Variants in VPS13A observed in about 807,000 individuals in gnomAD.
VPS13A encodes the protein intermembrane lipid transfer protein VPS13A.
A neutral mutation model predicts 390.9 loss-of-function variants in VPS13A; 264 were observed. The ratio of observed to expected loss-of-function variants is 0.68; its 90% CI spans 0.61 to 0.75. VPS13A has a LOEUF of 0.75. VPS13A is among the 30% of genes least tolerant of loss of function. The pLI, the probability that VPS13A is intolerant of heterozygous loss-of-function variation, is 0.00. For missense variants in VPS13A, 3,409 were observed against 3,733.9 expected (o/e 0.91, Z 2.27); for synonymous variants, 1,231 against 1,227.1 (o/e 1.00, Z -0.07).
intron 22 of VPS13A, among the ~76,000 whole-genome samples, 186 bp downstream of exon 22, chr9:77,252,538 G>A (rs989761136): frequency 6.6e-6 from 1 of 152,022 alleles, no homozygotes; most frequent in Non-Finnish European, 1.5e-5. Flanking sequence ...ATAGTTCATT[G>A]TCATTAGGTT....
chr9:77,344,812 A>G (rs1264106564), intron 51 of VPS13A, among the ~76,000 whole-genome samples, 197 bp from the exon 52 acceptor site: 1 of 152,140 alleles, frequency 6.6e-6, no homozygotes, highest in Non-Finnish European at 1.5e-5. Flanking sequence ...AATATACCAC[A>G]TCTGGAATGT....
Position 77,419,945 on chromosome 9 carries a change from A to T in VPS13A, c.*3939A>T, listed in dbSNP as rs1368983060. ...ATGCAAATATCAATGACTTTTTACT[A>T]AAAACAGTGGATTTCCTCATTTCTT... is the stretch of plus-strand genomic sequence containing the variant. On this transcript the variant is annotated 3_prime_UTR_variant, in exon 72 of 72. Transcript: ENST00000360280. 4 of 152,020 alleles carry T rather than the reference A, an allele frequency of 2.6e-5. No homozygotes were observed. Among genetic ancestry groups the T allele is most frequent in the Non-Finnish European group, 4.4e-5 (3 of 68,040 alleles). 9.4% of individuals were successfully genotyped at this position (152,020 alleles called of 1,614,324 possible).
Position 77,381,990 on chromosome 9 carries a change from C to T in VPS13A, c.9092C>T (p.Ser3031Phe), listed in dbSNP as rs1000995048. The T allele has an allele frequency of 1.2e-6, 2 of 1,604,602 alleles. No individual in the cohort carries two copies. The highest frequency in any genetic ancestry group is 1.7e-6 in the Non-Finnish European group (2 of 1,175,058). Residue 3031 changes from serine (S) to phenylalanine (F), a missense_variant, in exon 68 of 72, where the codon TCT becomes TTT. Around this residue, in one of 5 missense-constraint regions of VPS13A, gnomAD observed 318 missense variants for 333.7 expected, o/e 0.95. Coordinates refer to ENST00000360280, the MANE Select transcript of VPS13A (RefSeq NM_033305.3). The stretch of plus-strand genomic sequence containing the variant: ...TTTTCCTCTAGAGCTACAGAGACTT[C>T]TGAAGTGGAGAGTCTGCGACCTCCT... ...FQGIKRATET[S>F]EVESLRPPRF...
At chr9:77,410,181 T>C (rs1007940923) in intron 71 of VPS13A, among the ~76,000 whole-genome samples, 1 of 152,168 alleles carries the variant, frequency 6.6e-6, no homozygotes, top group African/African-American at 2.4e-5. Context: ...CAGAATTTCA[T>C]ATCCAGCCAA....
intron 23 of VPS13A, among the ~76,000 whole-genome samples, chr9:77,262,932 C>G (rs1825839971): frequency 6.6e-6 from 1 of 152,060 alleles, no homozygotes; most frequent in Admixed American, 6.6e-5. Flanking sequence ...GATTTATAAT[C>G]CTTTGGGTAT....
At chr9:77,355,211 G>A (rs961254413) in intron 54 of VPS13A, among the ~76,000 whole-genome samples, 7 of 152,132 alleles carry the variant, frequency 4.6e-5, no homozygotes, top group African/African-American at 1.7e-4. Flanking sequence ...ACTCCAAACA[G>A]GGTTTTGCTT....
At chr9:77,359,932 G>T (rs1832048744) in intron 58 of VPS13A, among the ~76,000 whole-genome samples, 1 of 151,710 alleles carries the variant, frequency 6.6e-6, no homozygotes, top group African/African-American at 2.4e-5. Flanking sequence ...TTTTGTTTGG[G>T]GTTGTCTATA....
intron 24 of VPS13A, among the ~76,000 whole-genome samples, chr9:77,274,516 A>G (rs1826534393): frequency 6.6e-6 from 1 of 151,920 alleles, no homozygotes; most frequent in African/African-American, 2.4e-5. Context: ...AAAACTTCAC[A>G]GATGTCTTAA....
chr9:77,293,520 A>T lies in VPS13A; in HGVS notation c.3507+12A>T. 1 of 1,369,080 alleles carries T rather than the reference A, an allele frequency of 7.3e-7. No homozygotes were observed. Among genetic ancestry groups the T allele is most frequent in the Non-Finnish European group, 9.7e-7 (1 of 1,027,920 alleles). 84.8% of individuals were successfully genotyped at this position (1,369,080 alleles called of 1,614,324 possible). A position where few individuals can be genotyped will look rare whatever the true frequency, so the allele number is the denominator to read the frequency against. On this transcript the variant is annotated intron_variant, in intron 32 of 71. Coordinates refer to ENST00000360280, the MANE Select transcript of VPS13A (RefSeq NM_033305.3). The stretch of plus-strand genomic sequence containing the variant: ...TATATTCTATATTGGTAAGTATTTT[A>T]TTAAATTATTATTTATTTTATACTA...
intron 7 of VPS13A, 138 bp downstream of exon 7, chr9:77,210,813 A>ATC (rs1244953220): frequency 2.4e-6 from 2 of 834,076 alleles, no homozygotes; most frequent in Middle Eastern, 3.5e-4. Flanking sequence ...TTGGATTGGA[A>ATC]TCGAGGGTAT....
intron 68 of VPS13A, among the ~76,000 whole-genome samples, chr9:77,398,245 G>A (rs1306825228): frequency 6.6e-6 from 1 of 152,152 alleles, no homozygotes; most frequent in Non-Finnish European, 1.5e-5. Context: ...GAGGTACCAT[G>A]AGGAAAGTAT....
At chr9:77,373,865 A>G (rs1024224802) in intron 67 of VPS13A, among the ~76,000 whole-genome samples, 5 of 152,186 alleles carry the variant, frequency 3.3e-5, no homozygotes, top group Non-Finnish European at 7.4e-5. Flanking sequence ...ACATTTATGC[A>G]GCCAAAAAAC....
chr9:77,329,554 A>G (rs1830177167), intron 45 of VPS13A, among the ~76,000 whole-genome samples: 1 of 152,172 alleles, frequency 6.6e-6, no homozygotes, highest in Non-Finnish European at 1.5e-5. Context: ...CAATTTGTGG[A>G]GCAGTGAGAA....
In VPS13A at chr9:77,220,376, A is replaced by G. The variant is rs1488734050; in HGVS notation, c.982A>G (p.Arg328Gly). 2 of 1,604,022 alleles carry G rather than the reference A, an allele frequency of 1.2e-6. No homozygotes were observed. The highest frequency in any genetic ancestry group is 1.1e-5 in the South Asian group (1 of 89,252). Reference sequence around the variant, plus strand: ...TGATGTGCCTCTTCACCACCATGCCAGAGAATGGTAAATGCCTTGATTTTT... The same window carrying G: ...TGATGTGCCTCTTCACCACCATGCCGGAGAATGGTAAATGCCTTGATTTTT... ...KPDVPLHHHA[R>G]EWWAYAIHGV... Residue 328 changes from arginine (R) to glycine (G), a missense_variant, in exon 12 of 72, where the codon AGA becomes GGA. By Grantham distance (125) the Arg-to-Gly change is moderately radical (BLOSUM62 -2). Coordinates refer to ENST00000360280, the MANE Select transcript of VPS13A (RefSeq NM_033305.3).
At chr9:77,403,805 G>T (rs1478805049) in intron 69 of VPS13A, among the ~76,000 whole-genome samples, 1 of 152,176 alleles carries the variant, frequency 6.6e-6, no homozygotes, top group African/African-American at 2.4e-5. Flanking sequence ...CAGGGGCATA[G>T]CCTCAGAGGG....
intron 3 of VPS13A, among the ~76,000 whole-genome samples, chr9:77,204,483 T>C (rs1825519906): frequency 6.6e-6 from 1 of 151,666 alleles, no homozygotes; most frequent in Non-Finnish European, 1.5e-5. Context: ...TATTACTTTA[T>C]GTGTAGTTTT....
At chr9:77,269,954 C>T (rs1304399930) in intron 23 of VPS13A, among the ~76,000 whole-genome samples, 5 of 152,112 alleles carry the variant, frequency 3.3e-5, no homozygotes, top group Non-Finnish European at 5.9e-5. Context: ...GAGATGCATG[C>T]ACACTGAGGA....
At chr9:77,209,365 G>T (rs1450366413) in intron 5 of VPS13A, 58 bp from the exon 6 acceptor site, 8 of 1,202,612 alleles carry the variant, frequency 6.7e-6, no homozygotes, top group Admixed American at 1.8e-5. Flanking sequence ...TCAGTATGTG[G>T]ATATTTATAG....
chr9:77,380,272 T>C (rs1587694758), intron 67 of VPS13A, among the ~76,000 whole-genome samples: 1 of 152,040 alleles, frequency 6.6e-6, no homozygotes, highest in East Asian at 1.9e-4. Flanking sequence ...AGTATATTGT[T>C]AGATCATATT....
Sources: gnomAD v4.1 joint callset for allele counts (sites outside exome capture counted in the v4.1 genomes callset) on GRCh38, gnomAD v4.1.1 for gene constraint, gnomAD v4.1.1 regional missense constraint, MANE v1.5 for transcripts, NCBI Gene and HGNC (gene_info 2026-07-23, HGNC 2026-07-21) for gene names.